The following NRG1 variants were observed in gnomAD, a reference collection of about 807,000 sequenced individuals.
NRG1 encodes the protein pro-neuregulin-1, membrane-bound isoform.
A neutral mutation model predicts 63.8 loss-of-function variants in NRG1; 18 were observed. That is an observed-to-expected ratio of 0.28 (90% CI 0.19 to 0.42). The LOEUF (loss-of-function observed/expected upper bound fraction) is 0.42. NRG1 is among the 10% of genes least tolerant of loss of function. NRG1 has a pLI of 1.00. For missense variants in NRG1, 762 were observed against 814.7 expected (o/e 0.94, Z 0.79); for synonymous variants, 302 against 301.3 (o/e 1.00, Z -0.02).
chr8:32,454,966 TA>T (rs1821423196), intron 1 of NRG1, among the ~76,000 whole-genome samples: 2 of 152,176 alleles, frequency 1.3e-5, no homozygotes, highest in African/African-American at 4.8e-5. Context: ...ATCCTTGTAT[TA>T]CGGTTCTCTA....
At chr8:31,727,331 G>A (rs138897321) in intron 1 of NRG1, among the ~76,000 whole-genome samples, 5 of 152,272 alleles carry the variant, frequency 3.3e-5, no homozygotes, top group African/African-American at 1.2e-4. Flanking sequence ...ATAGATTACA[G>A]CTCGCAGAGC....
At chr8:32,608,092 G>GTTTTTTTTTGTT (rs1845600747) in intron 3 of NRG1, among the ~76,000 whole-genome samples, 19 of 106,136 alleles carry the variant, frequency 1.8e-4, no homozygotes, top group South Asian at 3.2e-4. Context: ...GGTTTTTTTT[G>GTTTTTTTTTGTT]TTTTTTTTTT....
rs111850977 is a variant in NRG1, at chr8:32,042,961, A to AGTGTGTGTGTGTGTGTGTGTGTGT, written c.37+403535_37+403558dup. 3.6e-3 allele frequency among the ~76,000 whole-genome samples: 499 copies of AGTGTGTGTGTGTGTGTGTGTGTGT among 139,992 alleles called. 6 individuals are homozygous for AGTGTGTGTGTGTGTGTGTGTGTGT. Among genetic ancestry groups the AGTGTGTGTGTGTGTGTGTGTGTGT allele is most frequent in the Non-Finnish European group, 4.5e-3 (294 of 64,682 alleles). 91.8% of individuals were successfully genotyped at this position (139,992 alleles called of 152,430 possible). A position where few individuals can be genotyped will look rare whatever the true frequency, so the allele number is the denominator to read the frequency against. ...AAATCCAGAAAGGTAGAAAGAGTGC[A>AGTGTGTGTGTGTGTGTGTGTGTGT]GTGTGTGTGTGTGTGTGTGTGTGTG... On this transcript the variant is annotated intron_variant, in intron 1 of 10. Coordinates refer to the NRG1 transcript ENST00000519301.
At chr8:31,685,080 T>G (rs1395799165) in intron 1 of NRG1, among the ~76,000 whole-genome samples, 1 of 152,194 alleles carries the variant, frequency 6.6e-6, no homozygotes, top group Non-Finnish European at 1.5e-5. Flanking sequence ...ATTTGCCTCC[T>G]TAATTTTCTT....
intron 5 of NRG1, among the ~76,000 whole-genome samples, chr8:32,638,551 C>T (rs7015429): frequency 0.13 from 19,250 of 152,100 alleles, 1,393 homozygotes; most frequent in African/African-American, 0.19. Flanking sequence ...TGGTCTCGGA[C>T]TCCTGGCCTC....
chr8:32,054,942 C>CA (rs1259334663), intron 1 of NRG1, among the ~76,000 whole-genome samples: 1 of 120,646 alleles, frequency 8.3e-6, no homozygotes, highest in Non-Finnish European at 1.6e-5. Context: ...GGCTGGAGTG[C>CA]AGTGGCACAA....
intron 1 of NRG1, among the ~76,000 whole-genome samples, chr8:31,857,641 G>A (rs1415669221): frequency 6.6e-6 from 1 of 152,048 alleles, no homozygotes; most frequent in Non-Finnish European, 1.5e-5. Context: ...TTCAAGAGCG[G>A]GAATACATTC....
chr8:32,601,530 C>T (rs559801058), intron 2 of NRG1, among the ~76,000 whole-genome samples: 167 of 152,124 alleles, frequency 1.1e-3, no homozygotes, highest in African/African-American at 4.0e-3. Flanking sequence ...ACTTAGTTTT[C>T]CTGTAAGACT....
chr8:31,938,066 G>A (rs1365818844), intron 1 of NRG1, among the ~76,000 whole-genome samples: 1 of 152,118 alleles, frequency 6.6e-6, no homozygotes, highest in Non-Finnish European at 1.5e-5. Context: ...CACAGCTGAT[G>A]CACTCTTGAA....
intron 1 of NRG1, among the ~76,000 whole-genome samples, chr8:32,563,392 T>C (rs1836823100): frequency 6.6e-6 from 1 of 152,248 alleles, no homozygotes. Context: ...AGTGTTAATT[T>C]ATCTTAGTGA....
At chr8:32,023,726 A>G (rs1254551110) in intron 1 of NRG1, among the ~76,000 whole-genome samples, 2 of 152,104 alleles carry the variant, frequency 1.3e-5, no homozygotes, top group African/African-American at 4.8e-5. Flanking sequence ...CAGTGGAGAA[A>G]CCAACACTCA....
chr8:31,872,188 T>C (rs1032523391), intron 1 of NRG1, among the ~76,000 whole-genome samples: 2 of 152,234 alleles, frequency 1.3e-5, no homozygotes, highest in Non-Finnish European at 2.9e-5. Flanking sequence ...TTTAATTACA[T>C]GTCTGTTGTT....
chr8:32,535,603 C>A (rs1217333411), intron 1 of NRG1, among the ~76,000 whole-genome samples: 3 of 152,158 alleles, frequency 2.0e-5, no homozygotes, highest in African/African-American at 7.2e-5. Flanking sequence ...TTCTGTGAAT[C>A]TGGCTGATGG....
At chr8:31,657,328 AG>A (rs1805526226) in intron 1 of NRG1, among the ~76,000 whole-genome samples, 1 of 152,374 alleles carries the variant, frequency 6.6e-6, no homozygotes, top group East Asian at 1.9e-4. Flanking sequence ...TGAAATAAAA[AG>A]ATGGGAAGAC....
chr8:32,504,216 T>G (rs1828258466), intron 1 of NRG1, among the ~76,000 whole-genome samples: 1 of 152,130 alleles, frequency 6.6e-6, no homozygotes, highest in Non-Finnish European at 1.5e-5. Context: ...CTGCAACCAA[T>G]TATTATTTTA....
chr8:32,475,119 T>A (rs931449981), intron 1 of NRG1, among the ~76,000 whole-genome samples: 3 of 152,112 alleles, frequency 2.0e-5, no homozygotes, highest in Non-Finnish European at 4.4e-5. Context: ...TTCCCCAGCT[T>A]ACTGCCATCC....
intron 1 of NRG1, among the ~76,000 whole-genome samples, chr8:31,847,726 A>G (rs558478525): frequency 6.6e-6 from 1 of 152,328 alleles, no homozygotes; most frequent in Admixed American, 6.5e-5. Flanking sequence ...ATGTGGCACC[A>G]CTTGAGTTGG....
chr8:32,233,559 A>ATATATATG (rs1387520897), intron 1 of NRG1, among the ~76,000 whole-genome samples: 1 of 67,474 alleles, frequency 1.5e-5, no homozygotes. Flanking sequence ...ATATATATAT[A>ATATATATG]TATATTTTTT....
At chr8:32,447,598 G>A (rs1820426522) in intron 1 of NRG1, among the ~76,000 whole-genome samples, 1 of 152,186 alleles carries the variant, frequency 6.6e-6, no homozygotes, top group South Asian at 2.1e-4. Flanking sequence ...CGTGGGCGCA[G>A]TGGCTCCCAC....
Sources: allele counts gnomAD v4.1 joint callset (sites outside exome capture counted in the v4.1 genomes callset), GRCh38; gene constraint gnomAD v4.1.1; transcripts MANE v1.5; gene names NCBI Gene and HGNC (gene_info 2026-07-23, HGNC 2026-07-21).